The following SNTB1 variants were observed in gnomAD, a reference collection of about 807,000 sequenced individuals.
SNTB1 encodes syntrophin beta 1.
SNTB1 carries 36 observed loss-of-function variants against 48.9 expected under a neutral mutation model. That is an observed-to-expected ratio of 0.74 (90% confidence interval 0.56 to 0.97). The LOEUF (loss-of-function observed/expected upper bound fraction) is 0.97, where lower values mean the gene tolerates loss of function less well. Among genes scored for constraint, SNTB1 ranks in the 50% least tolerant of loss-of-function variants. SNTB1 has a pLI of 0.00. For synonymous variants in SNTB1, 299 were observed against 294.6 expected (o/e 1.01, Z -0.15); for missense variants, 786 against 703.4 (o/e 1.12, Z -1.33).
chr8:120,746,814 C>T (rs1563588188), intron 1 of SNTB1, among the ~76,000 whole-genome samples: 1 of 152,076 alleles, frequency 6.6e-6, no homozygotes, highest in Non-Finnish European at 1.5e-5. Flanking sequence ...TAGACTGAAA[C>T]CATGTTTCCA....
At chr8:120,702,017 A>C (rs545577677) in intron 1 of SNTB1, among the ~76,000 whole-genome samples, 3 of 152,258 alleles carry the variant, frequency 2.0e-5, no homozygotes, top group African/African-American at 7.2e-5. Flanking sequence ...CAATGGACCC[A>C]CAGAAAGTAT....
At chr8:120,773,889 G>A (rs553328114) in intron 1 of SNTB1, among the ~76,000 whole-genome samples, 1 of 152,336 alleles carries the variant, frequency 6.6e-6, no homozygotes, top group East Asian at 1.9e-4. Context: ...TGGATTCAGG[G>A]CTATAGACTT....
intron 1 of SNTB1, among the ~76,000 whole-genome samples, chr8:120,741,485 T>C (rs2130005744): frequency 6.6e-6 from 1 of 152,298 alleles, no homozygotes. Flanking sequence ...GGTGAGCCCC[T>C]GTAGTCCCAG....
chr8:120,585,946 G>A (rs1199194252), intron 3 of SNTB1, among the ~76,000 whole-genome samples: 5 of 152,214 alleles, frequency 3.3e-5, no homozygotes, highest in Admixed American at 2.0e-4. Context: ...CAAACTTTTC[G>A]AGATATTTGT....
intron 1 of SNTB1, among the ~76,000 whole-genome samples, chr8:120,695,576 A>C (rs1371963124): frequency 6.6e-6 from 1 of 152,234 alleles, no homozygotes; most frequent in African/African-American, 2.4e-5. Flanking sequence ...TACGGCACAA[A>C]GTAGAATGAG....
chr8:120,587,048 C>G (rs928423027), intron 3 of SNTB1, among the ~76,000 whole-genome samples: 7 of 152,136 alleles, frequency 4.6e-5, no homozygotes, highest in African/African-American at 1.7e-4. Context: ...TGGTGAAACC[C>G]TGTCTCTACT....
intron 1 of SNTB1, among the ~76,000 whole-genome samples, chr8:120,791,574 A>G (rs1820036757): frequency 6.6e-6 from 1 of 152,100 alleles, no homozygotes; most frequent in Admixed American, 6.6e-5. Context: ...AGAATCTACA[A>G]GGAACTCAAA....
At chr8:120,700,376 C>G (rs563000896) in intron 1 of SNTB1, among the ~76,000 whole-genome samples, 1 of 152,192 alleles carries the variant, frequency 6.6e-6, no homozygotes, top group East Asian at 1.9e-4. Flanking sequence ...AGAACTGAAC[C>G]ACTAGTGTCT....
At chr8:120,615,038 C>T (rs1282291140) in intron 3 of SNTB1, among the ~76,000 whole-genome samples, 1 of 150,674 alleles carries the variant, frequency 6.6e-6, no homozygotes, top group Non-Finnish European at 1.5e-5. Flanking sequence ...GTAGTCCCAG[C>T]TACTCAGGAG....
chr8:120,680,577 A>G (rs927813168), intron 2 of SNTB1, among the ~76,000 whole-genome samples: 1 of 152,168 alleles, frequency 6.6e-6, no homozygotes, highest in East Asian at 1.9e-4. Context: ...ACATGTGTCA[A>G]AAGAAGAAAG....
intron 6 of SNTB1, among the ~76,000 whole-genome samples, chr8:120,539,512 C>G (rs939902419): frequency 6.6e-6 from 1 of 152,248 alleles, no homozygotes; most frequent in Admixed American, 6.5e-5. Context: ...TTGTCACCAT[C>G]CTCTAGTCTT....
chr8:120,547,150 T>C (rs1230879077), intron 5 of SNTB1, among the ~76,000 whole-genome samples: 1 of 152,226 alleles, frequency 6.6e-6, no homozygotes, highest in African/African-American at 2.4e-5. Context: ...AGGCAAAGTA[T>C]TGTGACACAC....
At chr8:120,654,120 A>G (rs973245937) in intron 2 of SNTB1, among the ~76,000 whole-genome samples, 10 of 145,538 alleles carry the variant, frequency 6.9e-5, no homozygotes, top group African/African-American at 2.5e-4. Flanking sequence ...TCAGTTTTAT[A>G]GCCCAGAAAG....
intron 2 of SNTB1, among the ~76,000 whole-genome samples, chr8:120,657,708 T>A (rs1004397549): frequency 1.3e-5 from 2 of 152,254 alleles, no homozygotes; most frequent in Non-Finnish European, 2.9e-5. Flanking sequence ...AAGATTTATC[T>A]GTCTGACCCA....
chr8:120,798,941 A>G (rs1820169494), intron 1 of SNTB1, among the ~76,000 whole-genome samples: 1 of 152,074 alleles, frequency 6.6e-6, no homozygotes, highest in Non-Finnish European at 1.5e-5. Flanking sequence ...TGCTTACAGA[A>G]AATACCTTCA....
chr8:120,685,583 A>C (rs1818017020), intron 2 of SNTB1, among the ~76,000 whole-genome samples: 1 of 152,174 alleles, frequency 6.6e-6, no homozygotes, highest in Non-Finnish European at 1.5e-5. Context: ...TTAAATCTCC[A>C]AATGCCTTCA....
At chr8:120,657,078 T>C (rs1817513873) in intron 2 of SNTB1, among the ~76,000 whole-genome samples, 1 of 152,210 alleles carries the variant, frequency 6.6e-6, no homozygotes, top group African/African-American at 2.4e-5. Context: ...CCATTTTCAT[T>C]TGGATGTCTT....
intron 1 of SNTB1, among the ~76,000 whole-genome samples, chr8:120,792,784 C>A (rs1156755736): frequency 2.0e-5 from 3 of 151,968 alleles, no homozygotes; most frequent in African/African-American, 7.2e-5. Flanking sequence ...TTGTACACTA[C>A]CTGATTCACA....
At chr8:120,753,498 T>C (rs1819257786) in intron 1 of SNTB1, among the ~76,000 whole-genome samples, 2 of 152,134 alleles carry the variant, frequency 1.3e-5, no homozygotes, top group Non-Finnish European at 1.5e-5. Context: ...TATTTCTCAA[T>C]AGCACTACTG....
Sources: allele counts gnomAD v4.1 joint callset (sites outside exome capture counted in the v4.1 genomes callset), GRCh38; gene constraint gnomAD v4.1.1; transcripts MANE v1.5; gene names NCBI Gene and HGNC (gene_info 2026-07-23, HGNC 2026-07-21).